Variants in HDAC5 observed in about 807,000 individuals in gnomAD.
HDAC5 encodes histone deacetylase 5, also known as antigen NY-CO-9.
Under a neutral mutation model 133.3 loss-of-function variants are expected in HDAC5, and 25 were observed. The observed-to-expected ratio is 0.19, with a 90% CI of 0.14 to 0.26. The LOEUF (loss-of-function observed/expected upper bound fraction) is 0.26. Among genes scored for constraint, HDAC5 ranks in the 10% least tolerant of loss-of-function variants. The probability of loss-of-function intolerance (pLI) is 1.00; values close to 1 mark genes in which losing one functional copy is unlikely to be tolerated. For synonymous variants in HDAC5, 589 were observed against 610.8 expected (o/e 0.96, Z 0.53); for missense variants, 1,041 against 1,460.5 (o/e 0.71, Z 4.68).
At chr17:44,108,843 G>A (rs1305818058) in intron 3 of HDAC5, among the ~76,000 whole-genome samples, 11 of 150,314 alleles carry the variant, frequency 7.3e-5, no homozygotes, top group Non-Finnish European at 2.9e-5. Flanking sequence ...CACAGCATCA[G>A]AGCTGCGCAG....
At chr17:44,112,750 C>T (rs560776151) in intron 2 of HDAC5, among the ~76,000 whole-genome samples, 1 of 152,312 alleles carries the variant, frequency 6.6e-6, no homozygotes, top group African/African-American at 2.4e-5. Flanking sequence ...CAGAGGCAGG[C>T]TTTCCCAGGC....
intron 1 of HDAC5, among the ~76,000 whole-genome samples, chr17:44,121,101 G>GAAAAAAAA (rs35741759): frequency 1.1e-5 from 1 of 87,884 alleles, no homozygotes; most frequent in Non-Finnish European, 2.1e-5. Context: ...GCTATTTCTA[G>GAAAAAAAA]AAAAAAAAAA....
intron 1 of HDAC5, among the ~76,000 whole-genome samples, chr17:44,118,945 C>T (rs2052818233): frequency 6.6e-6 from 1 of 152,164 alleles, no homozygotes; most frequent in African/African-American, 2.4e-5. Flanking sequence ...AGCCCAGAAG[C>T]CAGCTATGGC....
In HDAC5 at chr17:44,117,381, C is replaced by T; in HGVS notation, c.22+113G>A. Reference sequence around the variant, plus strand: ...AACACTTCTCCACTCCTTACCCCCTCATTCCCTTATAGCTCAGACAGTAAA... The same window carrying T: ...AACACTTCTCCACTCCTTACCCCCTTATTCCCTTATAGCTCAGACAGTAAA... On this transcript the variant is annotated intron_variant, in intron 2 of 26. Transcript: ENST00000682912. This position sits in a 1 kb window ranked among gnomAD's most constrained non-coding sequence, Gnocchi z 4.2. 1 of 1,169,448 alleles carries T rather than the reference C, an allele frequency of 8.6e-7. No individual in the cohort carries two copies. The highest frequency in any genetic ancestry group is 2.3e-5 in the East Asian group (1 of 42,778). The allele number at this position is 1,169,448 out of a possible 1,614,324, so 72.4% of individuals were successfully genotyped here.
At position 44,110,835 on chromosome 17, in the gene HDAC5, C is replaced by A; in HGVS notation, c.23-35G>T. ...AACAGGATTCTGTCTCATAGATGGT[C>A]TGCAGCATCTCCACGAGCCCCTGAG... is the stretch of plus-strand genomic sequence containing the variant. On this transcript the variant is annotated intron_variant, in intron 2 of 26. Transcript: ENST00000682912. 1.9e-6 allele frequency: 3 copies of A among 1,551,194 alleles called. No individual in the cohort carries two copies. The South Asian group carries it at 3.4e-5, about 18-fold the overall frequency.
Position 44,117,882 on chromosome 17 carries a change from T to A in HDAC5, c.-189-178A>T, listed in dbSNP as rs1424231266. ...GACCCTGGTTTCTTATCTTACTAAC[T>A]GATGAGGCTCCCAGAGCCCAAGGGA... On this transcript the variant is annotated intron_variant, in intron 1 of 26. Coordinates refer to ENST00000682912, the MANE Select transcript of HDAC5 (RefSeq NM_005474.5). The surrounding 1 kb of genome is among the most constrained non-coding windows in gnomAD (Gnocchi z 4.2). Among the ~76,000 whole-genome samples, 1 of 152,146 alleles carries A rather than the reference T, an allele frequency of 6.6e-6. No individual in the cohort carries two copies. Among genetic ancestry groups the A allele is most frequent in the African/African-American group, 2.4e-5 (1 of 41,426 alleles).
At chr17:44,102,228 G>C (rs568373435) in intron 3 of HDAC5, among the ~76,000 whole-genome samples, 9 of 152,240 alleles carry the variant, frequency 5.9e-5, no homozygotes, top group Non-Finnish European at 1.3e-4. Context: ...GCATGAGGAC[G>C]TATCTACCCA....
At chr17:44,114,613 A>C (rs1191599973) in intron 2 of HDAC5, among the ~76,000 whole-genome samples, 1 of 152,124 alleles carries the variant, frequency 6.6e-6, no homozygotes, top group Non-Finnish European at 1.5e-5. Flanking sequence ...TGGCTTGCAC[A>C]GTGGGCCTCA....
chr17:44,092,877 G>A, intron 6 of HDAC5, 71 bp from the exon 7 acceptor site: 2 of 672,582 alleles, frequency 3.0e-6, no homozygotes, highest in Non-Finnish European at 2.5e-6. Context: ...CTGCCACCTG[G>A]CAATCTACAT....
intron 1 of HDAC5, among the ~76,000 whole-genome samples, chr17:44,122,827 A>C (rs534440688): frequency 6.6e-6 from 1 of 152,186 alleles, no homozygotes; most frequent in African/African-American, 2.4e-5. Context: ...ACCCAAGACA[A>C]GAAGGGGTTG....
chr17:44,083,444 G>C lies in HDAC5; in HGVS notation c.2463+101C>G, dbSNP rs143614070. 1.8e-5 allele frequency: 14 copies of C among 791,564 alleles called. No individual in the cohort carries two copies. The African/African-American group carries it at 1.9e-4, about 11-fold the overall frequency. 49.0% of individuals were successfully genotyped at this position (791,564 alleles called of 1,614,324 possible). On this transcript the variant is annotated intron_variant, in intron 18 of 26. Coordinates refer to ENST00000682912, the MANE Select transcript of HDAC5 (RefSeq NM_005474.5). ...GGTGCCTGAGAGTTGAGCTTGCAAAGGACAGTGCCTCACTGAAAGGATCCC... is the reference window on the plus strand; with the variant it reads ...GGTGCCTGAGAGTTGAGCTTGCAAACGACAGTGCCTCACTGAAAGGATCCC...
intron 1 of HDAC5, among the ~76,000 whole-genome samples, chr17:44,122,009 G>A (rs1197802575): frequency 1.3e-5 from 2 of 152,056 alleles, no homozygotes; most frequent in East Asian, 1.9e-4. Flanking sequence ...GTGAAGAGAG[G>A]GCAAAGAGAG....
intron 3 of HDAC5, among the ~76,000 whole-genome samples, chr17:44,097,327 T>C (rs2051333643): frequency 6.6e-6 from 1 of 152,214 alleles, no homozygotes; most frequent in South Asian, 2.1e-4. Flanking sequence ...GGAACATTCC[T>C]CTGTGGTTTT....
At chr17:44,096,159 G>A (rs1466159442) in intron 3 of HDAC5, among the ~76,000 whole-genome samples, 1 of 152,196 alleles carries the variant, frequency 6.6e-6, no homozygotes, top group Non-Finnish European at 1.5e-5. Flanking sequence ...GCCAGGAAGG[G>A]GAAGGCAGGA....
At chr17:44,087,038 C>A (rs897261073) in intron 13 of HDAC5, among the ~76,000 whole-genome samples, 1 of 151,546 alleles carries the variant, frequency 6.6e-6, no homozygotes, top group Non-Finnish European at 1.5e-5. Context: ...CGGCTGTGTC[C>A]GCAATGAATG....
chr17:44,121,830 A>G (rs1466660466), intron 1 of HDAC5, among the ~76,000 whole-genome samples: 1 of 152,096 alleles, frequency 6.6e-6, no homozygotes, highest in Non-Finnish European at 1.5e-5. Flanking sequence ...GCTGGCACAG[A>G]ACTAACATTT....
chr17:44,098,436 T>G (rs1405030945), intron 3 of HDAC5, among the ~76,000 whole-genome samples: 1 of 151,810 alleles, frequency 6.6e-6, no homozygotes. Flanking sequence ...CAGGGCTGTC[T>G]CTTAAAAAAA....
intron 18 of HDAC5, among the ~76,000 whole-genome samples, chr17:44,083,342 C>A (rs528249789): frequency 1.3e-5 from 2 of 152,214 alleles, no homozygotes; most frequent in Non-Finnish European, 2.9e-5. Context: ...GAGACACCCA[C>A]GAGAGCACTG....
chr17:44,087,448 C>T lies in HDAC5; in HGVS notation c.1848G>A (p.Gly616=), dbSNP rs2050722430. 12 of 1,343,536 alleles carry T rather than the reference C, an allele frequency of 8.9e-6. No individual in the cohort carries two copies. The highest frequency in any genetic ancestry group is 1.3e-5 in the Non-Finnish European group (12 of 933,498). 83.2% of individuals were successfully genotyped at this position (1,343,536 alleles called of 1,614,324 possible). A position where few individuals can be genotyped will look rare whatever the true frequency, so the allele number is the denominator to read the frequency against. The change falls in exon 13 of 27, where the codon GGG becomes GGA. Residue 616 remains glycine, a synonymous_variant. Transcript: ENST00000682912. ...DEEGESGAEE[G]PDLEEPGAGY... The stretch of plus-strand genomic sequence containing the variant: ...CAGCACCAGGCTCCTCCAAGTCGGG[C>T]CCCTCCTCAGCACCACTCTCGCCCT...
Sources: allele counts gnomAD v4.1 joint callset (sites outside exome capture counted in the v4.1 genomes callset), GRCh38; gene constraint gnomAD v4.1.1; non-coding constraint Gnocchi (gnomAD v3.1); transcripts MANE v1.5; gene names NCBI Gene and HGNC (gene_info 2026-07-23, HGNC 2026-07-21).